FRMD4A: variants seen among roughly 807,000 people sequenced by gnomAD.
The protein encoded by FRMD4A is FERM domain containing 4A, also known as FERM domain-containing protein 4A.
FRMD4A carries 29 observed loss-of-function variants against 129.1 expected under a neutral mutation model. The ratio of observed to expected loss-of-function variants is 0.22; its 90% CI spans 0.17 to 0.31. The LOEUF is 0.31. Ranked by LOEUF, FRMD4A falls within the 10% of genes least tolerant of loss-of-function variation. The pLI is 1.00. For missense variants in FRMD4A, 1,272 were observed against 1,375.8 expected (o/e 0.92, Z 1.19); for synonymous variants, 634 against 571.6 (o/e 1.11, Z -1.56).
intron 2 of FRMD4A, among the ~76,000 whole-genome samples, chr10:13,896,489 G>T (rs2094759818): frequency 6.6e-6 from 1 of 152,098 alleles, no homozygotes; most frequent in South Asian, 2.1e-4. Context: ...TGGACACAGG[G>T]AGGGGAACAT....
chr10:14,316,983 T>A (rs1425642526), intron 2 of FRMD4A, among the ~76,000 whole-genome samples: 1 of 152,240 alleles, frequency 6.6e-6, no homozygotes, highest in Non-Finnish European at 1.5e-5. Flanking sequence ...CTCTCTCCCA[T>A]TCTCGCTTTT....
At chr10:14,103,081 T>C (rs545526105) in intron 2 of FRMD4A, among the ~76,000 whole-genome samples, 1 of 152,276 alleles carries the variant, frequency 6.6e-6, no homozygotes, top group East Asian at 1.9e-4. Flanking sequence ...TACGTGGGTG[T>C]CGTTCCTATC....
chr10:13,868,982 T>C (rs1487285280), intron 2 of FRMD4A, among the ~76,000 whole-genome samples: 1 of 152,190 alleles, frequency 6.6e-6, no homozygotes, highest in Non-Finnish European at 1.5e-5. Context: ...CTCAACCCTC[T>C]GCGGGTTTGC....
At position 13,838,611 on chromosome 10, in the gene FRMD4A, G is replaced by C. The variant is rs1440877319; in HGVS notation, c.111+20236C>G. Among the ~76,000 whole-genome samples, 3 of 151,758 alleles carry C rather than the reference G, an allele frequency of 2.0e-5. 1 individual carries two copies. The highest frequency in any genetic ancestry group is 4.4e-5 in the Non-Finnish European group (3 of 67,908). ...GGGTTCAAGCAATTCTGGTGCCTCA[G>C]CCTCCCAAGTAGCTGGGATTACAGG... On this transcript the variant is annotated intron_variant, in intron 3 of 24. Coordinates refer to ENST00000357447, the MANE Select transcript of FRMD4A (RefSeq NM_018027.5).
intron 2 of FRMD4A, among the ~76,000 whole-genome samples, chr10:14,000,796 C>T (rs1459580228): frequency 6.6e-6 from 1 of 151,872 alleles, no homozygotes; most frequent in Non-Finnish European, 1.5e-5. Flanking sequence ...AAGAAGCATA[C>T]AGGAGAAGCT....
At chr10:13,733,014 C>T (rs918471925) in intron 12 of FRMD4A, among the ~76,000 whole-genome samples, 1 of 152,188 alleles carries the variant, frequency 6.6e-6, no homozygotes, top group South Asian at 2.1e-4. Flanking sequence ...TCTAGATGTC[C>T]CAGCAGCTTC....
intron 2 of FRMD4A, among the ~76,000 whole-genome samples, chr10:14,033,833 AG>A (rs892889801): frequency 6.6e-6 from 1 of 152,036 alleles, no homozygotes; most frequent in African/African-American, 2.4e-5. Context: ...AAGAAAAAAA[AG>A]AAAAGAAAAG....
intron 2 of FRMD4A, among the ~76,000 whole-genome samples, chr10:13,984,013 C>T (rs576074940): frequency 7.3e-5 from 11 of 150,560 alleles, no homozygotes; most frequent in Admixed American, 1.3e-4. Context: ...AAAAAAAAAA[C>T]AACTGGGAAC....
intron 3 of FRMD4A, among the ~76,000 whole-genome samples, chr10:13,826,654 C>T (rs1358617796): frequency 6.6e-6 from 1 of 152,138 alleles, no homozygotes; most frequent in Non-Finnish European, 1.5e-5. Flanking sequence ...TTGTGGATGA[C>T]TGGCAGGTGC....
chr10:13,727,195 C>T (rs2089958679), intron 12 of FRMD4A, among the ~76,000 whole-genome samples: 1 of 152,250 alleles, frequency 6.6e-6, no homozygotes, highest in Non-Finnish European at 1.5e-5. Flanking sequence ...AGCCACCACA[C>T]CTGGCCAGAG....
rs146149604 is a variant in FRMD4A at position 13,805,356 on chromosome 10, T to C, written c.206+5458A>G. Among the ~76,000 whole-genome samples the C allele has an allele frequency of 1.8e-4, 28 of 152,228 alleles. No homozygotes were observed. In the East Asian group the frequency reaches 4.8e-3, roughly 26 times the overall value. Reference sequence around the variant, plus strand: ...AATAAATTCTAACTATACTTGTCTTTTAAATTTGGAGTAATGGCTAACCAA... The same window carrying C: ...AATAAATTCTAACTATACTTGTCTTCTAAATTTGGAGTAATGGCTAACCAA... On this transcript the variant is annotated intron_variant, in intron 4 of 24. Coordinates refer to ENST00000357447, the MANE Select transcript of FRMD4A (RefSeq NM_018027.5).
chr10:13,990,248 A>G (rs999615082), intron 2 of FRMD4A, among the ~76,000 whole-genome samples: 5 of 152,204 alleles, frequency 3.3e-5, no homozygotes, highest in African/African-American at 1.2e-4. Flanking sequence ...GGTACTTTCT[A>G]TTCTTGGCTG....
chr10:13,728,072 C>G (rs1431563644), intron 12 of FRMD4A, among the ~76,000 whole-genome samples: 1 of 152,278 alleles, frequency 6.6e-6, no homozygotes, highest in East Asian at 1.9e-4. Flanking sequence ...AACTTCCAGG[C>G]AGGAAGAGTC....
intron 2 of FRMD4A, among the ~76,000 whole-genome samples, chr10:14,081,770 G>T (rs1478470376): frequency 1.3e-5 from 2 of 152,180 alleles, no homozygotes; most frequent in African/African-American, 2.4e-5. Context: ...GCTCAGAGAG[G>T]ATGGCAACTT....
At chr10:14,032,316 T>C (rs1262160709) in intron 2 of FRMD4A, among the ~76,000 whole-genome samples, 2 of 152,148 alleles carry the variant, frequency 1.3e-5, no homozygotes, top group African/African-American at 4.8e-5. Context: ...CATGAAGAAG[T>C]GATCGATTTC....
intron 3 of FRMD4A, among the ~76,000 whole-genome samples, chr10:13,824,320 A>AC (rs2093669900): frequency 1.1e-5 from 1 of 87,002 alleles, no homozygotes; most frequent in African/African-American, 3.7e-5. Flanking sequence ...TACTAAAAAT[A>AC]CAAAAAAAAA....
chr10:14,206,008 G>A (rs576104263), intron 2 of FRMD4A, among the ~76,000 whole-genome samples: 27 of 152,122 alleles, frequency 1.8e-4, no homozygotes, highest in African/African-American at 5.5e-4. Context: ...TGGAGGGAGC[G>A]GATTCAGACA....
At chr10:13,878,996 A>G (rs1181849782) in intron 2 of FRMD4A, among the ~76,000 whole-genome samples, 2 of 152,226 alleles carry the variant, frequency 1.3e-5, no homozygotes, top group East Asian at 3.8e-4. Flanking sequence ...TGATTGACTA[A>G]AAGTATAAAA....
chr10:13,669,057 GTTTTTTTTTTT>G (rs56706198), intron 17 of FRMD4A, among the ~76,000 whole-genome samples: 12 of 97,454 alleles, frequency 1.2e-4, no homozygotes, highest in Admixed American at 2.3e-4. Flanking sequence ...CTGAGCTTTA[GTTTTTTTTTTT>G]TTTTTTTTTT....
Sources: allele counts gnomAD v4.1 joint callset (sites outside exome capture counted in the v4.1 genomes callset), GRCh38; gene constraint gnomAD v4.1.1; transcripts MANE v1.5; gene names NCBI Gene and HGNC (gene_info 2026-07-23, HGNC 2026-07-21).